Variants in RMDN2 observed in about 807,000 individuals in gnomAD.
RMDN2 encodes the protein regulator of microtubule dynamics protein 2.
Under a neutral mutation model 52.8 loss-of-function variants are expected in RMDN2, and 61 were observed. The observed-to-expected ratio is 1.16, with a 90% CI of 0.94 to 1.43. The LOEUF (loss-of-function observed/expected upper bound fraction) is 1.43, where lower values mean the gene tolerates loss of function less well. RMDN2 is among the 40% of genes most tolerant of loss of function. RMDN2 has a pLI of 0.00. For synonymous variants in RMDN2, 180 were observed against 153.1 expected, an observed-to-expected ratio of 1.18 and a Z score of -1.30; for missense variants, 592 against 475.3, an observed-to-expected ratio of 1.25 and a Z score of -2.28.
chr2:38,041,682 T>C (rs1680963748), intron 10 of RMDN2, among the ~76,000 whole-genome samples: 1 of 152,120 alleles, frequency 6.6e-6, no homozygotes, highest in African/African-American at 2.4e-5. Flanking sequence ...TGTCAGATGG[T>C]TTTTCTGCAT....
rs1213722279 is a variant in RMDN2 at position 38,056,035 on chromosome 2, A to C, written c.1714-10947A>C. ...ATACACACACACACTGCATGCAAAC[A>C]CATACGTGTGCTCCCCACCTCACCT... On this transcript the variant is annotated intron_variant, in intron 10 of 10. Coordinates refer to the RMDN2 transcript ENST00000234195. Among the ~76,000 whole-genome samples the C allele has an allele frequency of 2.0e-5, 3 of 152,140 alleles. No individual in the cohort carries two copies. In the East Asian group the frequency reaches 5.8e-4, roughly 29 times the overall value.
chr2:37,962,282 C>T, intron 2 of RMDN2, among the ~76,000 whole-genome samples: 1 of 152,242 alleles, frequency 6.6e-6, no homozygotes, highest in East Asian at 1.9e-4. Flanking sequence ...TCTGCTGAAG[C>T]TGTGCCCACA....
chr2:38,039,988 G>A (rs1234568571), intron 10 of RMDN2, among the ~76,000 whole-genome samples: 1 of 151,358 alleles, frequency 6.6e-6, no homozygotes, highest in African/African-American at 2.4e-5. Context: ...TTACATTTAG[G>A]TCCATGATGC....
At chr2:37,987,039 G>A (rs1015206502) in intron 5 of RMDN2, among the ~76,000 whole-genome samples, 1 of 151,836 alleles carries the variant, frequency 6.6e-6, no homozygotes, top group Non-Finnish European at 1.5e-5. Flanking sequence ...AAATAAAATT[G>A]TTTGCAAAGA....
chr2:38,003,559 G>GATAGATAGATAC (rs1204114360), intron 8 of RMDN2, among the ~76,000 whole-genome samples: 10 of 146,734 alleles, frequency 6.8e-5, no homozygotes, highest in African/African-American at 2.5e-4. Context: ...TAGATAGATA[G>GATAGATAGATAC]ATAGATAGAT....
At chr2:38,006,820 C>T (rs184765291) in intron 10 of RMDN2, among the ~76,000 whole-genome samples, 18 of 152,178 alleles carry the variant, frequency 1.2e-4, no homozygotes, top group Admixed American at 9.2e-4. Flanking sequence ...TTGCCCATTC[C>T]GTACGATACT....
chr2:37,989,378 T>C (rs1413866612), intron 5 of RMDN2, among the ~76,000 whole-genome samples, 163 bp from the exon 6 acceptor site: 1 of 152,194 alleles, frequency 6.6e-6, no homozygotes, highest in Non-Finnish European at 1.5e-5. Flanking sequence ...GGCCTCATGT[T>C]AATGTCAAGT....
chr2:38,025,690 T>G (rs949862447), intron 10 of RMDN2, among the ~76,000 whole-genome samples: 3 of 152,048 alleles, frequency 2.0e-5, no homozygotes, highest in Non-Finnish European at 4.4e-5. Flanking sequence ...TAATACTGAA[T>G]TTTGTCACAC....
At chr2:37,966,369 A>G (rs1176692829) in intron 2 of RMDN2, among the ~76,000 whole-genome samples, 1 of 151,992 alleles carries the variant, frequency 6.6e-6, no homozygotes, top group Non-Finnish European at 1.5e-5. Context: ...GTGAGCCGAG[A>G]TCATGCCACT....
intron 2 of RMDN2, among the ~76,000 whole-genome samples, chr2:37,970,732 A>T (rs189306755): frequency 6.6e-6 from 1 of 152,196 alleles, no homozygotes; most frequent in African/African-American, 2.4e-5. Flanking sequence ...AATTCATTTA[A>T]TGGCTATAGC....
chr2:37,977,461 C>T (rs1402069845), intron 4 of RMDN2, among the ~76,000 whole-genome samples: 3 of 148,300 alleles, frequency 2.0e-5, no homozygotes, highest in East Asian at 2.1e-4. Context: ...GCTGGCTGGG[C>T]GGGGGCTGCC....
At chr2:37,988,062 A>C (rs1183723358) in intron 5 of RMDN2, among the ~76,000 whole-genome samples, 1 of 152,194 alleles carries the variant, frequency 6.6e-6, no homozygotes, top group Non-Finnish European at 1.5e-5. Flanking sequence ...TCATCTCTAA[A>C]TAAATAAATA....
intron 8 of RMDN2, among the ~76,000 whole-genome samples, chr2:37,998,669 G>C (rs1291898691): frequency 6.6e-6 from 1 of 152,102 alleles, no homozygotes; most frequent in African/African-American, 2.4e-5. Flanking sequence ...AATGGCCAGT[G>C]GCTGCCTCAA....
chr2:37,943,744 T>C (rs1667989253), intron 2 of RMDN2, among the ~76,000 whole-genome samples: 1 of 152,224 alleles, frequency 6.6e-6, no homozygotes, highest in Non-Finnish European at 1.5e-5. Context: ...AAACTGCAGT[T>C]AAACTCCTCC....
At chr2:38,012,581 C>T (rs999397957) in intron 10 of RMDN2, 8 of 467,866 alleles carry the variant, frequency 1.7e-5, no homozygotes, top group Admixed American at 4.8e-5. Context: ...AAATATTTCT[C>T]ACATTGCATT....
intron 10 of RMDN2, among the ~76,000 whole-genome samples, chr2:38,064,768 T>C (rs1407543274): frequency 1.4e-5 from 2 of 140,790 alleles, no homozygotes; most frequent in Non-Finnish European, 3.1e-5. Flanking sequence ...TAGATGTCTT[T>C]TTCCTCGTTA....
intron 10 of RMDN2, among the ~76,000 whole-genome samples, chr2:38,061,646 C>CACACACACACACACAT (rs1553393406): frequency 5.3e-5 from 8 of 149,936 alleles, no homozygotes; most frequent in East Asian, 2.0e-4. Flanking sequence ...CACACACACA[C>CACACACACACACACAT]ACACACATAC....
At chr2:37,988,035 G>T (rs901701929) in intron 5 of RMDN2, among the ~76,000 whole-genome samples, 1 of 152,142 alleles carries the variant, frequency 6.6e-6, no homozygotes, top group Non-Finnish European at 1.5e-5. Context: ...CTCCAGACTG[G>T]GCGATAGAGC....
chr2:38,006,598 T>C (rs1239421098), intron 10 of RMDN2, among the ~76,000 whole-genome samples: 1 of 152,178 alleles, frequency 6.6e-6, no homozygotes, highest in East Asian at 1.9e-4. Flanking sequence ...CTTAAGGAGA[T>C]TTTGGGCTGA....
Sources: allele counts gnomAD v4.1 joint callset (sites outside exome capture counted in the v4.1 genomes callset), GRCh38; gene constraint gnomAD v4.1.1; transcripts MANE v1.5; gene names NCBI Gene and HGNC (gene_info 2026-07-23, HGNC 2026-07-21).